MAGI1: variants seen among roughly 807,000 people sequenced by gnomAD.
MAGI1 encodes the protein membrane associated guanylate kinase, WW and PDZ domain containing 1.
In MAGI1, 58 loss-of-function variants were observed where a neutral mutation model predicts 139.9. The ratio of observed to expected loss-of-function variants is 0.41; its 90% CI spans 0.34 to 0.52. MAGI1 has a LOEUF of 0.52. Among genes scored for constraint, MAGI1 ranks in the 20% least tolerant of loss-of-function variants. The pLI, the probability that MAGI1 is intolerant of heterozygous loss-of-function variation, is 0.12. For synonymous variants in MAGI1, 812 were observed against 737.9 expected (o/e 1.10, Z -1.63); for missense variants, 1,874 against 1,901.6 (o/e 0.99, Z 0.27).
intron 1 of MAGI1, among the ~76,000 whole-genome samples, chr3:65,749,749 G>A (rs987915334): frequency 2.0e-5 from 3 of 150,078 alleles, no homozygotes; most frequent in Admixed American, 6.6e-5. Flanking sequence ...CCAATCATTC[G>A]TTATGCAAAT....
intron 2 of MAGI1, among the ~76,000 whole-genome samples, chr3:65,620,886 C>A (rs2083633016): frequency 6.6e-6 from 1 of 152,154 alleles, no homozygotes; most frequent in South Asian, 2.1e-4. Context: ...TGGAGGTTAT[C>A]ATCTAGAACT....
chr3:65,948,895 T>C (rs2063665899), intron 1 of MAGI1, among the ~76,000 whole-genome samples: 1 of 152,218 alleles, frequency 6.6e-6, no homozygotes, highest in Non-Finnish European at 1.5e-5. Context: ...AGTTCAATTT[T>C]ATGTCCCTAA....
At chr3:65,930,209 A>G (rs1297371711) in intron 1 of MAGI1, among the ~76,000 whole-genome samples, 4 of 148,120 alleles carry the variant, frequency 2.7e-5, no homozygotes, top group South Asian at 4.3e-4. Context: ...CCGGCTACTC[A>G]GGGGGCTGAG....
At chr3:65,673,222 T>C (rs1056846272) in intron 1 of MAGI1, among the ~76,000 whole-genome samples, 53 of 152,184 alleles carry the variant, frequency 3.5e-4, no homozygotes, top group Admixed American at 3.5e-3. Flanking sequence ...ACATTTCTCC[T>C]AATGTTTATA....
chr3:65,841,941 G>A (rs1023329505), intron 1 of MAGI1, among the ~76,000 whole-genome samples: 1 of 152,088 alleles, frequency 6.6e-6, no homozygotes, highest in African/African-American at 2.4e-5. Flanking sequence ...TCAAAAAACA[G>A]GATCCTTATC....
chr3:65,456,830 T>C (rs1205893176), intron 5 of MAGI1, among the ~76,000 whole-genome samples: 6 of 152,184 alleles, frequency 3.9e-5, no homozygotes, highest in Non-Finnish European at 7.4e-5. Context: ...AAAAAATCAG[T>C]TGGGCACACT....
chr3:65,771,067 G>C (rs1421956001), intron 1 of MAGI1, among the ~76,000 whole-genome samples: 1 of 151,942 alleles, frequency 6.6e-6, no homozygotes, highest in Non-Finnish European at 1.5e-5. Context: ...AGCGCTTTGG[G>C]AGGCCAAGGC....
At chr3:65,907,480 C>T (rs2061485507) in intron 1 of MAGI1, 1 of 152,216 alleles carries the variant, frequency 6.6e-6, no homozygotes, top group African/African-American at 2.4e-5. Flanking sequence ...TTCCCTGGAA[C>T]TTACAACAAC....
chr3:65,529,975 A>G (rs1445137932), intron 2 of MAGI1, among the ~76,000 whole-genome samples: 5 of 152,122 alleles, frequency 3.3e-5, no homozygotes, highest in Non-Finnish European at 5.9e-5. Flanking sequence ...AATGTCTTAA[A>G]TGACTTTAAG....
intron 1 of MAGI1, among the ~76,000 whole-genome samples, chr3:65,693,423 G>A (rs1009740585): frequency 3.9e-5 from 6 of 152,208 alleles, no homozygotes; most frequent in East Asian, 1.9e-4. Flanking sequence ...CCATACAACC[G>A]GGTTCCAAGG....
intron 1 of MAGI1, among the ~76,000 whole-genome samples, chr3:65,782,181 T>C (rs984415834): frequency 6.6e-6 from 1 of 152,084 alleles, no homozygotes; most frequent in African/African-American, 2.4e-5. Flanking sequence ...CTATGTTACA[T>C]GACAAAGGGG....
At chr3:65,360,981 G>A in intron 22 of MAGI1, 1 of 1,439,592 alleles carries the variant, frequency 6.9e-7, no homozygotes, top group Non-Finnish European at 9.1e-7. Context: ...GGGCTATAAA[G>A]ATCTTGTCTT....
At chr3:65,653,459 C>T (rs372852365) in intron 1 of MAGI1, among the ~76,000 whole-genome samples, 15 of 152,250 alleles carry the variant, frequency 9.9e-5, no homozygotes, top group East Asian at 3.9e-4. Context: ...TGCAAGCTTC[C>T]GTGTTATCAG....
intron 1 of MAGI1, chr3:65,687,743 A>G (rs1433206289): frequency 1.8e-6 from 1 of 549,682 alleles, no homozygotes; most frequent in Non-Finnish European, 3.7e-6. Flanking sequence ...CTGAGAGCAC[A>G]GGATCCTTCT....
chr3:65,491,083 CA>C (rs1309963429), intron 3 of MAGI1, among the ~76,000 whole-genome samples: 3 of 151,950 alleles, frequency 2.0e-5, no homozygotes, highest in Non-Finnish European at 4.4e-5. Flanking sequence ...TGCTATACAC[CA>C]GGAAGTTAGC....
At chr3:65,929,100 G>A (rs2062667758) in intron 1 of MAGI1, among the ~76,000 whole-genome samples, 1 of 151,676 alleles carries the variant, frequency 6.6e-6, no homozygotes, top group Non-Finnish European at 1.5e-5. Context: ...GCTGCAGTGA[G>A]CCATGATCCT....
At chr3:65,905,445 G>T (rs1481151936) in intron 1 of MAGI1, among the ~76,000 whole-genome samples, 7 of 150,774 alleles carry the variant, frequency 4.6e-5, no homozygotes, top group Admixed American at 4.0e-4. Context: ...AATTAGCTGG[G>T]CATTGTGGTG....
chr3:65,401,388 C>T (rs1276970299), intron 13 of MAGI1, 51 bp downstream of exon 13: 6 of 1,550,270 alleles, frequency 3.9e-6, no homozygotes, highest in African/African-American at 1.4e-5. Flanking sequence ...CTCCAGCCCC[C>T]CACCATCCAC....
chr3:66,026,834 T>TC (rs1207389309), intron 1 of MAGI1, among the ~76,000 whole-genome samples: 1 of 112,076 alleles, frequency 8.9e-6, no homozygotes, highest in Non-Finnish European at 1.9e-5. Context: ...CGGACTATCT[T>TC]CCGTGGGGTC....
Sources: gnomAD v4.1 joint callset for allele counts (sites outside exome capture counted in the v4.1 genomes callset) on GRCh38, gnomAD v4.1.1 for gene constraint, MANE v1.5 for transcripts, NCBI Gene and HGNC (gene_info 2026-07-23, HGNC 2026-07-21) for gene names.